Variants in MRPS5 observed in about 807,000 individuals in gnomAD.
MRPS5 encodes mitochondrial ribosomal protein S5, also known as small ribosomal subunit protein uS5m.
MRPS5 carries 27 observed loss-of-function variants against 51.9 expected under a neutral mutation model. The observed-to-expected ratio is 0.52, with a 90% CI of 0.38 to 0.72. The LOEUF is 0.72. MRPS5 is among the 30% of genes least tolerant of loss of function. The pLI, the probability that MRPS5 is intolerant of heterozygous loss-of-function variation, is 0.00. For synonymous variants in MRPS5, 196 were observed against 193.2 expected (o/e 1.01, Z -0.12); for missense variants, 570 against 545.7 (o/e 1.04, Z -0.44).
At chr2:95,090,050 G>A (rs1336590331) in intron 11 of MRPS5, among the ~76,000 whole-genome samples, 6 of 150,436 alleles carry the variant, frequency 4.0e-5, no homozygotes, top group South Asian at 4.2e-4. Context: ...AGTGGCGGGC[G>A]CCTGTAGTCC....
intron 7 of MRPS5, among the ~76,000 whole-genome samples, chr2:95,102,861 A>G (rs1200858071): frequency 6.6e-6 from 1 of 152,224 alleles, no homozygotes; most frequent in Non-Finnish European, 1.5e-5. Flanking sequence ...ATCTGCTGCC[A>G]CTGTATTTTG....
chr2:95,090,580 C>T, intron 10 of MRPS5, 58 bp from the exon 11 acceptor site: 5 of 1,606,336 alleles, frequency 3.1e-6, no homozygotes, highest in Non-Finnish European at 4.3e-6. Flanking sequence ...GGAGGAGTCA[C>T]CCTGCTGGCT....
intron 10 of MRPS5, among the ~76,000 whole-genome samples, chr2:95,099,014 G>A (rs867568779): frequency 2.7e-5 from 4 of 150,162 alleles, no homozygotes; most frequent in Middle Eastern, 3.5e-3. Context: ...CACCTCCCAG[G>A]TTCACCCCAT....
intron 3 of MRPS5, among the ~76,000 whole-genome samples, chr2:95,111,726 TTC>T (rs1326828885): frequency 1.3e-5 from 2 of 152,212 alleles, no homozygotes; most frequent in Non-Finnish European, 2.9e-5. Context: ...AGAATGTATA[TTC>T]TGCCTTTTTC....
chr2:95,095,500 ACTGT>A (rs1675599460), intron 10 of MRPS5, among the ~76,000 whole-genome samples: 1 of 152,226 alleles, frequency 6.6e-6, no homozygotes, highest in South Asian at 2.1e-4. Context: ...ATCACAACTA[ACTGT>A]CTGTCAGACC....
At chr2:95,113,870 C>T (rs1228998174) in intron 3 of MRPS5, among the ~76,000 whole-genome samples, 4 of 151,436 alleles carry the variant, frequency 2.6e-5, no homozygotes, top group African/African-American at 9.7e-5. Flanking sequence ...GCCTGTAATC[C>T]CAGCACTTTG....
upstream of MRPS5, chr2:95,121,948 A>T: frequency 1.2e-6 from 1 of 837,606 alleles, no homozygotes; most frequent in Non-Finnish European, 1.7e-6. Flanking sequence ...GACTGTCCGG[A>T]CGGGCCACAC....
intron 10 of MRPS5, chr2:95,093,285 G>C (rs765117935): frequency 6.6e-6 from 1 of 152,412 alleles, no homozygotes; most frequent in Admixed American, 6.5e-5. Context: ...ACAGGGCATA[G>C]CTAAACAAAA....
At chr2:95,087,623 A>C (rs764100292) in intron 11 of MRPS5, 42 bp from the exon 12 acceptor site, 1 of 1,545,918 alleles carries the variant, frequency 6.5e-7, no homozygotes, top group African/African-American at 1.4e-5. Flanking sequence ...TCTGAAGTAC[A>C]TTTGCAACAT....
intron 4 of MRPS5, among the ~76,000 whole-genome samples, 164 bp downstream of exon 4, chr2:95,109,752 C>G (rs1558684570): frequency 6.6e-6 from 1 of 152,204 alleles, no homozygotes; most frequent in Non-Finnish European, 1.5e-5. Flanking sequence ...TTTCCTCCCC[C>G]AGAATCCTGG....
chr2:95,089,032 A>G (rs1282687336), intron 11 of MRPS5, among the ~76,000 whole-genome samples: 1 of 152,158 alleles, frequency 6.6e-6, no homozygotes, highest in East Asian at 1.9e-4. Context: ...GAGCCACTGC[A>G]CTCCAAGCCT....
At chr2:95,101,801 C>G (rs1416135215) in intron 7 of MRPS5, 78 bp from the exon 8 acceptor site, 3 of 934,324 alleles carry the variant, frequency 3.2e-6, no homozygotes, top group African/African-American at 1.7e-5. Flanking sequence ...CAAGTTTCTG[C>G]TCCTACAATA....
intron 10 of MRPS5, among the ~76,000 whole-genome samples, chr2:95,094,348 G>C (rs898940753): frequency 6.6e-6 from 1 of 152,120 alleles, no homozygotes; most frequent in Non-Finnish European, 1.5e-5. Flanking sequence ...AACCTAGCAA[G>C]GCAGGCAAAC....
chr2:95,120,679 T>C (rs1676417528), intron 1 of MRPS5, among the ~76,000 whole-genome samples: 2 of 152,220 alleles, frequency 1.3e-5, no homozygotes, highest in African/African-American at 2.4e-5. Flanking sequence ...TAGCCTAACC[T>C]TAAGCAAGTT....
chr2:95,118,258 T>C (rs1383901812), intron 1 of MRPS5, among the ~76,000 whole-genome samples: 1 of 152,174 alleles, frequency 6.6e-6, no homozygotes, highest in African/African-American at 2.4e-5. Context: ...GAGTAACAAG[T>C]TTCCTAGCAG....
At position 95,108,231 on chromosome 2, in the gene MRPS5, C is replaced by T. The variant is rs1355863459; in HGVS notation, c.581G>A (p.Ser194Asn). Reference protein sequence around the residue: ...KMKVKRERGWSGNSWGGISLG... With the variant: ...KMKVKRERGWNGNSWGGISLG... Reference sequence around the variant, plus strand: ...ACTGATGCCTCCCCATGAGTTTCCACTCCATCCTCGCTCCCGTTTAACCTT... The same window carrying T: ...ACTGATGCCTCCCCATGAGTTTCCATTCCATCCTCGCTCCCGTTTAACCTT... Residue 194 changes from serine (S) to asparagine (N), a missense_variant, in exon 5 of 12, where the codon AGT becomes AAT. Transcript: ENST00000272418. 2 of 1,614,188 alleles carry T rather than the reference C, an allele frequency of 1.2e-6. No individual in the cohort carries two copies. Among genetic ancestry groups the T allele is most frequent in the South Asian group, 1.1e-5 (1 of 91,070 alleles).
intron 3 of MRPS5, among the ~76,000 whole-genome samples, chr2:95,111,634 CA>C (rs1272733033): frequency 2.6e-5 from 4 of 152,104 alleles, no homozygotes; most frequent in Non-Finnish European, 5.9e-5. Flanking sequence ...TAATACTTTT[CA>C]AATTATAAAA....
chr2:95,115,206 G>A lies in MRPS5; in HGVS notation c.140-3C>T, dbSNP rs770289979. On this transcript the variant is annotated splice_region_variant and splice_polypyrimidine_tract_variant and intron_variant, in intron 2 of 11. Coordinates refer to ENST00000272418, the MANE Select transcript of MRPS5 (RefSeq NM_031902.5). ...GGTTCCCAGTGATGACAAATGGCCT[G>A]TAGGCAGATGGGTTAAACTTTGAGT... 25 of 1,583,894 alleles carry A rather than the reference G, an allele frequency of 1.6e-5. No homozygotes were observed. The highest frequency in any genetic ancestry group is 2.1e-5 in the Non-Finnish European group (24 of 1,169,934).
Position 95,109,906 on chromosome 2 carries a change from A to G in MRPS5, c.403+10T>C, listed in dbSNP as rs1334116909. The stretch of plus-strand genomic sequence containing the variant: ...CAAAGCACTTTAGCTATTTTTATAA[A>G]TAAGTTTACCTTCACCAATGATCTG... On this transcript the variant is annotated intron_variant, in intron 4 of 11. Transcript: ENST00000272418. The G allele has an allele frequency of 3.1e-6, 5 of 1,599,930 alleles. No homozygotes were observed. The highest frequency in any genetic ancestry group is 4.2e-6 in the Non-Finnish European group (5 of 1,176,976).
Sources: allele counts gnomAD v4.1 joint callset (sites outside exome capture counted in the v4.1 genomes callset), GRCh38; gene constraint gnomAD v4.1.1; transcripts MANE v1.5; gene names NCBI Gene and HGNC (gene_info 2026-07-23, HGNC 2026-07-21).